ANKDD1B: variants seen among roughly 807,000 people sequenced by gnomAD.
The protein encoded by ANKDD1B is ankyrin repeat and death domain-containing protein 1B.
In ANKDD1B, 57 loss-of-function variants were observed where a neutral mutation model predicts 59.7. The observed-to-expected ratio is 0.95, with a 90% confidence interval of 0.77 to 1.19. ANKDD1B has a LOEUF of 1.19. Ranked by LOEUF, ANKDD1B falls within the 50% of genes most tolerant of loss-of-function variation. The pLI is 0.00. For missense variants in ANKDD1B, 602 were observed against 641.9 expected, an observed-to-expected ratio of 0.94 and a Z score of 0.67; for synonymous variants, 216 against 239.5, an observed-to-expected ratio of 0.90 and a Z score of 0.91.
chr5:75,661,109 C>A (rs1413713374), intron 10 of ANKDD1B, among the ~76,000 whole-genome samples: 1 of 147,986 alleles, frequency 6.8e-6, no homozygotes, highest in Non-Finnish European at 1.5e-5. Context: ...AAAAAAGTAA[C>A]ACAGACTGGC....
At chr5:75,612,318 GCC>G (rs757100948) in intron 1 of ANKDD1B, among the ~76,000 whole-genome samples, 5 of 99,570 alleles carry the variant, frequency 5.0e-5, no homozygotes, top group African/African-American at 1.9e-4. Context: ...GTCTGCCCCC[GCC>G]CCCCCCCGCC....
intron 7 of ANKDD1B, among the ~76,000 whole-genome samples, chr5:75,651,043 A>G (rs934405587): frequency 1.4e-4 from 21 of 152,242 alleles, no homozygotes; most frequent in African/African-American, 4.8e-4. Context: ...TTACAAGAGC[A>G]GGCATTACAA....
intron 7 of ANKDD1B, among the ~76,000 whole-genome samples, chr5:75,649,377 A>G (rs1033777794): frequency 1.3e-5 from 2 of 152,160 alleles, no homozygotes; most frequent in African/African-American, 4.8e-5. Flanking sequence ...TGAATATTTT[A>G]TGAATATTAC....
chr5:75,628,282 G>C (rs139909520), intron 5 of ANKDD1B, among the ~76,000 whole-genome samples: 1 of 152,184 alleles, frequency 6.6e-6, no homozygotes, highest in Non-Finnish European at 1.5e-5. Flanking sequence ...GATGAAAAGC[G>C]TTATGGAGAT....
intron 5 of ANKDD1B, among the ~76,000 whole-genome samples, chr5:75,630,973 T>A (rs1774138773): frequency 6.6e-6 from 1 of 152,200 alleles, no homozygotes; most frequent in Admixed American, 6.5e-5. Flanking sequence ...CAGGAACAAC[T>A]CTGGCCCTAC....
chr5:75,654,797 C>T (rs900550698), intron 8 of ANKDD1B, among the ~76,000 whole-genome samples: 1 of 152,170 alleles, frequency 6.6e-6, no homozygotes, highest in Non-Finnish European at 1.5e-5. Flanking sequence ...ACTTGAGCGA[C>T]GCTGCCCTTG....
intron 7 of ANKDD1B, among the ~76,000 whole-genome samples, chr5:75,642,337 G>A (rs1445725671): frequency 1.3e-5 from 2 of 151,470 alleles, no homozygotes; most frequent in African/African-American, 2.4e-5. Flanking sequence ...CTGAGGTACC[G>A]GGTTCATCTC....
chr5:75,626,064 T>G, intron 5 of ANKDD1B, 109 bp downstream of exon 5: 1 of 741,266 alleles, frequency 1.3e-6, no homozygotes, highest in East Asian at 2.7e-5. Context: ...GACCCGGCCC[T>G]GTAGCCGGCT....
chr5:75,628,596 G>A (rs944100873), intron 5 of ANKDD1B, among the ~76,000 whole-genome samples: 3 of 152,186 alleles, frequency 2.0e-5, no homozygotes, highest in Non-Finnish European at 4.4e-5. Flanking sequence ...GTGATTGAGA[G>A]CTTGTGTACC....
intron 12 of ANKDD1B, among the ~76,000 whole-genome samples, chr5:75,667,413 C>G (rs547231187): frequency 6.6e-6 from 1 of 152,196 alleles, no homozygotes; most frequent in Non-Finnish European, 1.5e-5. Context: ...AATAGGCTCG[C>G]TGTTTAAGTC....
chr5:75,639,048 A>G (rs1274752096), intron 7 of ANKDD1B, among the ~76,000 whole-genome samples: 1 of 152,198 alleles, frequency 6.6e-6, no homozygotes, highest in Non-Finnish European at 1.5e-5. Flanking sequence ...ATGAAACCTT[A>G]TCAGGCTCTG....
chr5:75,647,454 C>A lies in ANKDD1B; in HGVS notation c.799-5688C>A, dbSNP rs879304995. Among the ~76,000 whole-genome samples the A allele has an allele frequency of 2.5e-3, 318 of 128,192 alleles. 11 individuals are homozygous for A. Among genetic ancestry groups the A allele is most frequent in the Non-Finnish European group, 3.5e-3 (226 of 64,966 alleles). 84.1% of individuals were successfully genotyped at this position (128,192 alleles called of 152,430 possible). ...AAAGTGGGCAAAGGACATGAACAGA[C>A]ACTTCTCAAAAGAAGACATTTATGC... On this transcript the variant is annotated intron_variant, in intron 7 of 13. Coordinates refer to ENST00000601380, the MANE Select transcript of ANKDD1B (RefSeq NM_001276713.2).
At chr5:75,614,619 A>G (rs1773667038) in intron 1 of ANKDD1B, among the ~76,000 whole-genome samples, 1 of 152,186 alleles carries the variant, frequency 6.6e-6, no homozygotes, top group Non-Finnish European at 1.5e-5. Flanking sequence ...CAGGGAAAAG[A>G]GACCTAGAGG....
intron 10 of ANKDD1B, among the ~76,000 whole-genome samples, chr5:75,661,074 T>A (rs1026460253): frequency 6.8e-6 from 1 of 147,918 alleles, no homozygotes; most frequent in Non-Finnish European, 1.5e-5. Flanking sequence ...AATTAGGTTT[T>A]TTTGTTTTTT....
At position 75,671,801 on chromosome 5, in the gene ANKDD1B, T is replaced by G. The variant is rs2112047216; in HGVS notation, c.*761T>G. ...TTTTTTTCACAAAGAACATGCATTA[T>G]TTTTGTAATCTAAGAGTTATGAAAT... On this transcript the variant is annotated 3_prime_UTR_variant, in exon 14 of 14. Transcript: ENST00000601380. 1 of 151,706 alleles carries G rather than the reference T, an allele frequency of 6.6e-6. No individual in the cohort carries two copies. The highest frequency in any genetic ancestry group is 1.9e-4 in the East Asian group (1 of 5,174). The allele number at this position is 151,706 out of a possible 1,614,324, so 9.4% of individuals were successfully genotyped here. A position where few individuals can be genotyped will look rare whatever the true frequency, so the allele number is the denominator to read the frequency against.
chr5:75,639,467 G>A (rs1471892850), intron 7 of ANKDD1B, among the ~76,000 whole-genome samples: 2 of 152,154 alleles, frequency 1.3e-5, no homozygotes, highest in East Asian at 3.9e-4. Flanking sequence ...AAAGTGCTGG[G>A]ATTACAGGCA....
At chr5:75,626,803 G>A (rs1021905856) in intron 5 of ANKDD1B, among the ~76,000 whole-genome samples, 4 of 149,804 alleles carry the variant, frequency 2.7e-5, no homozygotes, top group African/African-American at 9.8e-5. Flanking sequence ...TTGTTTGTTT[G>A]TTTTGTTTTC....
intron 7 of ANKDD1B, among the ~76,000 whole-genome samples, chr5:75,649,720 T>G (rs6895148): frequency 0.15 from 23,295 of 152,184 alleles, 4,829 homozygotes; most frequent in African/African-American, 0.47. Context: ...GATCAGCCAT[T>G]AGAAAGTAGC....
At chr5:75,635,038 G>A in intron 6 of ANKDD1B, 42 bp downstream of exon 6, 1 of 1,323,246 alleles carries the variant, frequency 7.6e-7, no homozygotes, top group Non-Finnish European at 1.0e-6. Context: ...CAAGAGAAAG[G>A]GGAGTAACAA....
Sources: gnomAD v4.1 joint callset for allele counts (sites outside exome capture counted in the v4.1 genomes callset) on GRCh38, gnomAD v4.1.1 for gene constraint, MANE v1.5 for transcripts, NCBI Gene and HGNC (gene_info 2026-07-23, HGNC 2026-07-21) for gene names.